Variants in PDZRN4 observed in about 807,000 individuals in gnomAD.
PDZRN4 encodes the protein PDZ domain-containing RING finger protein 4.
Under a neutral mutation model 99.0 loss-of-function variants are expected in PDZRN4, and 70 were observed. The ratio of observed to expected loss-of-function variants is 0.71; its 90% CI spans 0.58 to 0.86. The LOEUF (loss-of-function observed/expected upper bound fraction) is 0.86, where lower values mean the gene tolerates loss of function less well. PDZRN4 is among the 40% of genes least tolerant of loss of function. The pLI, the probability that PDZRN4 is intolerant of heterozygous loss-of-function variation, is 0.00. For missense variants in PDZRN4, 1,474 were observed against 1,331.2 expected (o/e 1.11, Z -1.67); for synonymous variants, 551 against 501.6 (o/e 1.10, Z -1.32).
chr12:41,332,731 A>G lies in PDZRN4; in HGVS notation c.843+138543A>G, dbSNP rs1951748385. 4.6e-5 allele frequency among the ~76,000 whole-genome samples: 5 copies of G among 108,820 alleles called. No individual in the cohort carries two copies. In the Admixed American group the frequency reaches 5.7e-4, roughly 12 times the overall value. 71.4% of individuals were successfully genotyped at this position (108,820 alleles called of 152,430 possible). On this transcript the variant is annotated intron_variant, in intron 3 of 9. Coordinates refer to ENST00000402685, the MANE Select transcript of PDZRN4 (RefSeq NM_001164595.2). The stretch of plus-strand genomic sequence containing the variant: ...TTTGGAGGTCAGAATAGCAAGTTTT[A>G]CAAGAGGAGGATTAAAAAAAAAAAA...
intron 3 of PDZRN4, among the ~76,000 whole-genome samples, chr12:41,279,365 T>C (rs887425081): frequency 6.6e-6 from 1 of 152,210 alleles, no homozygotes; most frequent in Non-Finnish European, 1.5e-5. Flanking sequence ...TTACATGAAG[T>C]AGGCAGGCAG....
At chr12:41,342,489 TAAAC>T (rs577268240) in intron 3 of PDZRN4, among the ~76,000 whole-genome samples, 8 of 151,606 alleles carry the variant, frequency 5.3e-5, no homozygotes, top group Non-Finnish European at 7.4e-5. Flanking sequence ...ATAAAGAACT[TAAAC>T]AACTCCACAG....
At position 41,492,215 on chromosome 12, in the gene PDZRN4, TATC is replaced by T. The variant is rs917370848; in HGVS notation, c.844-14237_844-14235del. On this transcript the variant is annotated intron_variant, in intron 3 of 9. Transcript: ENST00000402685. Reference sequence around the variant, plus strand: ...ACATCTGTAAAAAGTAAGGAAAACTTATCATCTAAGATTAACTTATTATCTTAT... The same window carrying T: ...ACATCTGTAAAAAGTAAGGAAAACTTATCTAAGATTAACTTATTATCTTAT... 7.8e-4 allele frequency among the ~76,000 whole-genome samples: 119 copies of T among 152,098 alleles called. 2 individuals carry two copies. The highest frequency in any genetic ancestry group is 2.6e-3 in the African/African-American group (108 of 41,568).
intron 5 of PDZRN4, among the ~76,000 whole-genome samples, chr12:41,534,563 G>T (rs1333038581): frequency 6.6e-6 from 1 of 151,984 alleles, no homozygotes; most frequent in East Asian, 1.9e-4. Flanking sequence ...TTCTGTTCCT[G>T]CATTAGTTTG....
chr12:41,437,778 C>T (rs1402696353), intron 3 of PDZRN4: 2 of 1,534,986 alleles, frequency 1.3e-6, no homozygotes, highest in African/African-American at 1.4e-5. Context: ...TGCTGCTACA[C>T]ACCACTCTGG....
intron 3 of PDZRN4, among the ~76,000 whole-genome samples, chr12:41,208,241 C>T (rs1217250582): frequency 2.0e-5 from 3 of 151,852 alleles, no homozygotes; most frequent in Admixed American, 1.3e-4. Flanking sequence ...GTAAGCTTTA[C>T]AATTAAGACT....
At chr12:41,197,418 T>C (rs1048336909) in intron 3 of PDZRN4, among the ~76,000 whole-genome samples, 2 of 152,288 alleles carry the variant, frequency 1.3e-5, no homozygotes, top group Non-Finnish European at 2.9e-5. Context: ...ATGTCATATT[T>C]TTCACATAAT....
chr12:41,536,656 A>G (rs77577475), intron 5 of PDZRN4, among the ~76,000 whole-genome samples: 1 of 151,922 alleles, frequency 6.6e-6, no homozygotes, highest in East Asian at 1.9e-4. Context: ...TTGATAATAG[A>G]AAAGGCTATG....
intron 3 of PDZRN4, among the ~76,000 whole-genome samples, chr12:41,373,691 G>T (rs1000185439): frequency 7.2e-5 from 11 of 152,050 alleles, no homozygotes; most frequent in African/African-American, 2.7e-4. Context: ...AGTCATCACA[G>T]GGTCCTGAGG....
At chr12:41,398,720 A>G (rs1952268014) in intron 3 of PDZRN4, among the ~76,000 whole-genome samples, 1 of 152,214 alleles carries the variant, frequency 6.6e-6, no homozygotes, top group Non-Finnish European at 1.5e-5. Flanking sequence ...CCCAGGGGGT[A>G]GAAATTCAAA....
chr12:41,328,689 T>G (rs1336849713), intron 3 of PDZRN4, among the ~76,000 whole-genome samples: 1 of 152,158 alleles, frequency 6.6e-6, no homozygotes, highest in Non-Finnish European at 1.5e-5. Flanking sequence ...TGGAGGATGG[T>G]GCTGCTTTCA....
Position 41,319,271 on chromosome 12 carries a change from C to T in PDZRN4, c.843+125083C>T, listed in dbSNP as rs181419690. Among the ~76,000 whole-genome samples, 336 of 152,192 alleles carry T rather than the reference C, an allele frequency of 2.2e-3. 1 individual carries two copies. The highest frequency in any genetic ancestry group is 1.9e-3 in the East Asian group (10 of 5,170). The stretch of plus-strand genomic sequence containing the variant: ...TGCTCCAGCTGCCTTTGATGCACCC[C>T]GAAAACTGACCTAAGCCTCCAGTAG... On this transcript the variant is annotated intron_variant, in intron 3 of 9. Coordinates refer to ENST00000402685, the MANE Select transcript of PDZRN4 (RefSeq NM_001164595.2).
intron 3 of PDZRN4, among the ~76,000 whole-genome samples, chr12:41,473,810 C>G (rs1953016091): frequency 6.6e-6 from 1 of 152,188 alleles, no homozygotes; most frequent in Non-Finnish European, 1.5e-5. Flanking sequence ...AAAACCCAAC[C>G]TACTAAGTGA....
At chr12:41,328,792 A>G (rs1951725686) in intron 3 of PDZRN4, among the ~76,000 whole-genome samples, 2 of 152,160 alleles carry the variant, frequency 1.3e-5, no homozygotes, top group Non-Finnish European at 2.9e-5. Flanking sequence ...TACCAGACTC[A>G]GGAAGACAGG....
intron 3 of PDZRN4, among the ~76,000 whole-genome samples, chr12:41,359,969 G>A (rs1021631949): frequency 6.6e-6 from 1 of 151,890 alleles, no homozygotes; most frequent in Non-Finnish European, 1.5e-5. Context: ...GTTTTCCATC[G>A]GGGGATAATC....
At chr12:41,549,450 G>A (rs775848974) in intron 5 of PDZRN4, among the ~76,000 whole-genome samples, 1 of 152,120 alleles carries the variant, frequency 6.6e-6, no homozygotes, top group Non-Finnish European at 1.5e-5. Flanking sequence ...ACAGAATTAA[G>A]GGAACTTTGA....
chr12:41,295,867 C>A (rs547151736), intron 3 of PDZRN4, among the ~76,000 whole-genome samples: 1 of 152,086 alleles, frequency 6.6e-6, no homozygotes, highest in African/African-American at 2.4e-5. Context: ...TTTATGGGGA[C>A]AATGCCCCAA....
intron 3 of PDZRN4, among the ~76,000 whole-genome samples, chr12:41,392,294 T>G: frequency 6.6e-6 from 1 of 152,232 alleles, no homozygotes; most frequent in Middle Eastern, 3.4e-3. Context: ...TCACTGGGAC[T>G]CAGTGTACAT....
chr12:41,415,406 A>T (rs1392967928), intron 3 of PDZRN4, among the ~76,000 whole-genome samples: 2 of 150,386 alleles, frequency 1.3e-5, no homozygotes, highest in South Asian at 2.1e-4. Flanking sequence ...TATACATATC[A>T]TTGTAATATT....
Sources: gnomAD v4.1 joint callset for allele counts (sites outside exome capture counted in the v4.1 genomes callset) on GRCh38, gnomAD v4.1.1 for gene constraint, MANE v1.5 for transcripts, NCBI Gene and HGNC (gene_info 2026-07-23, HGNC 2026-07-21) for gene names.